The following SYNE1 variants were observed in gnomAD, a reference collection of about 807,000 sequenced individuals.
The protein encoded by SYNE1 is spectrin repeat containing nuclear envelope protein 1.
Under a neutral mutation model 1,111.0 loss-of-function variants are expected in SYNE1, and 616 were observed. That is an observed-to-expected ratio of 0.55 (90% CI 0.52 to 0.59). The LOEUF (loss-of-function observed/expected upper bound fraction) is 0.59, where lower values mean the gene tolerates loss of function less well. Ranked by LOEUF, SYNE1 falls within the 20% of genes least tolerant of loss-of-function variation. SYNE1 has a pLI of 0.00. For synonymous variants in SYNE1, 3,855 were observed against 3,825.8 expected (o/e 1.01, Z -0.28); for missense variants, 10,006 against 10,417.0 (o/e 0.96, Z 1.72).
At chr6:152,542,470 T>G (rs1002385585) in intron 3 of SYNE1, among the ~76,000 whole-genome samples, 1 of 152,138 alleles carries the variant, frequency 6.6e-6, no homozygotes, top group African/African-American at 2.4e-5. Context: ...ACTTGATATT[T>G]TAATTATCAT....
intron 127 of SYNE1, among the ~76,000 whole-genome samples, chr6:152,194,330 T>A (rs2073504189): frequency 6.6e-6 from 1 of 152,222 alleles, no homozygotes; most frequent in South Asian, 2.1e-4. Context: ...GTCACCTCAC[T>A]TTCTCCTGTT....
At chr6:152,497,987 A>G (rs1480805132) in intron 11 of SYNE1, among the ~76,000 whole-genome samples, 1 of 152,122 alleles carries the variant, frequency 6.6e-6, no homozygotes, top group Non-Finnish European at 1.5e-5. Flanking sequence ...CACATAAGTC[A>G]CATTTACATT....
chr6:152,300,806 G>C (rs764679173), intron 92 of SYNE1, 25 bp from the exon 93 acceptor site: 29 of 1,614,132 alleles, frequency 1.8e-5, no homozygotes, highest in Non-Finnish European at 2.5e-5. Flanking sequence ...GTAGCCCAAA[G>C]GACATGAAAA....
At chr6:152,236,986 C>T (rs971473730) in intron 108 of SYNE1, 38 bp from the exon 109 acceptor site, 8 of 1,610,666 alleles carry the variant, frequency 5.0e-6, no homozygotes, top group African/African-American at 2.7e-5. Context: ...TAAAAAAACC[C>T]TCATTAGCGA....
intron 100 of SYNE1, among the ~76,000 whole-genome samples, chr6:152,267,777 A>C (rs1177784275): frequency 1.3e-5 from 2 of 152,200 alleles, no homozygotes; most frequent in Non-Finnish European, 2.9e-5. Context: ...TTTATAATGC[A>C]TTTCTTATTC....
intron 62 of SYNE1, 24 bp downstream of exon 62, chr6:152,367,194 A>T: frequency 6.2e-7 from 1 of 1,614,170 alleles, no homozygotes; most frequent in Non-Finnish European, 8.5e-7. Context: ...TAGGTTGGAG[A>T]TATTTCTGTG....
intron 100 of SYNE1, among the ~76,000 whole-genome samples, chr6:152,267,253 T>C (rs2092802064): frequency 6.6e-6 from 1 of 152,204 alleles, no homozygotes. Flanking sequence ...TGCCAAAGGA[T>C]ACTACCAAAT....
chr6:152,126,833 A>C (rs535442842), intron 145 of SYNE1: 11 of 152,372 alleles, frequency 7.2e-5, no homozygotes, highest in Admixed American at 6.5e-4. Context: ...GGTATGACTC[A>C]CTTTGAAAAT....
intron 39 of SYNE1, among the ~76,000 whole-genome samples, chr6:152,424,026 T>G (rs530777372): frequency 6.6e-6 from 1 of 152,324 alleles, no homozygotes; most frequent in Admixed American, 6.5e-5. Flanking sequence ...TTTGTTCACT[T>G]GCTTAGTTAT....
At chr6:152,123,003 T>A (rs1407221087) in intron 145 of SYNE1, among the ~76,000 whole-genome samples, 1 of 152,226 alleles carries the variant, frequency 6.6e-6, no homozygotes, top group Non-Finnish European at 1.5e-5. Flanking sequence ...CTAGCATGAA[T>A]TAAGTAGATC....
At chr6:152,229,291 A>G (rs545940039) in intron 115 of SYNE1, among the ~76,000 whole-genome samples, 1 of 152,324 alleles carries the variant, frequency 6.6e-6, no homozygotes, top group South Asian at 2.1e-4. Context: ...GAATTCATGA[A>G]TTATTTTCAA....
intron 21 of SYNE1, among the ~76,000 whole-genome samples, chr6:152,461,259 T>G (rs1339965696): frequency 6.6e-6 from 1 of 152,156 alleles, no homozygotes; most frequent in East Asian, 1.9e-4. Context: ...TCATTTAAAT[T>G]TATGATCCCC....
intron 63 of SYNE1, chr6:152,363,875 A>G (rs947009533): frequency 2.5e-6 from 1 of 395,974 alleles, no homozygotes; most frequent in Non-Finnish European, 5.0e-6. Flanking sequence ...CTCACACTGT[A>G]TACCAGCTCC....
At chr6:152,299,778 G>C (rs1312413514) in intron 93 of SYNE1, among the ~76,000 whole-genome samples, 1 of 151,398 alleles carries the variant, frequency 6.6e-6, no homozygotes, top group Non-Finnish European at 1.5e-5. Flanking sequence ...TAATATAATT[G>C]AATTATAATA....
At chr6:152,236,760 T>G in intron 109 of SYNE1, 57 bp downstream of exon 109, 1 of 1,605,372 alleles carries the variant, frequency 6.2e-7, no homozygotes, top group Non-Finnish European at 8.5e-7. Context: ...TTTGTTTACA[T>G]TCTGTTAAAA....
At chr6:152,263,301 G>C (rs1588990547) in intron 100 of SYNE1, among the ~76,000 whole-genome samples, 1 of 152,188 alleles carries the variant, frequency 6.6e-6, no homozygotes, top group South Asian at 2.1e-4. Flanking sequence ...GGACACGGAG[G>C]GATAGTGCAG....
intron 3 of SYNE1, among the ~76,000 whole-genome samples, chr6:152,562,801 AT>A (rs200357206): frequency 4.0e-4 from 61 of 152,290 alleles, no homozygotes; most frequent in African/African-American, 1.4e-3. Context: ...TAAAGTATAT[AT>A]TTTTTTAAAA....
chr6:152,495,526 C>T (rs890045748), intron 11 of SYNE1, among the ~76,000 whole-genome samples: 21 of 152,134 alleles, frequency 1.4e-4, no homozygotes, highest in Admixed American at 1.3e-3. Flanking sequence ...AACTTAACTT[C>T]CTCGTAAAGC....
intron 14 of SYNE1, among the ~76,000 whole-genome samples, chr6:152,476,445 C>T (rs1256664395): frequency 6.6e-6 from 1 of 152,154 alleles, no homozygotes; most frequent in African/African-American, 2.4e-5. Flanking sequence ...TTCTCACCAT[C>T]TCTACAGCTA....
Sources: gnomAD v4.1 joint callset for allele counts (sites outside exome capture counted in the v4.1 genomes callset) on GRCh38, gnomAD v4.1.1 for gene constraint, MANE v1.5 for transcripts, NCBI Gene and HGNC (gene_info 2026-07-23, HGNC 2026-07-21) for gene names.